The following PBX1 variants were observed in gnomAD, a reference collection of about 807,000 sequenced individuals.
The protein encoded by PBX1 is pre-B-cell leukemia transcription factor 1.
In PBX1, 6 loss-of-function variants were observed where a neutral mutation model predicts 53.4. The observed-to-expected ratio is 0.11, with a 90% CI of 0.06 to 0.22. PBX1 has a LOEUF of 0.22. Ranked by LOEUF, PBX1 falls within the 10% of genes least tolerant of loss-of-function variation. The pLI is 1.00. For synonymous variants in PBX1, 204 were observed against 212.3 expected (o/e 0.96, Z 0.34); for missense variants, 251 against 551.4 (o/e 0.46, Z 5.46).
At chr1:164,824,745 T>C (rs1432679511) in intron 8 of PBX1, among the ~76,000 whole-genome samples, 1 of 152,176 alleles carries the variant, frequency 6.6e-6, no homozygotes, top group East Asian at 1.9e-4. Flanking sequence ...GGGCAATACT[T>C]ACTAAGCTTA....
chr1:164,603,929 A>ATTCTT (rs1656368794), intron 2 of PBX1, among the ~76,000 whole-genome samples: 1 of 75,742 alleles, frequency 1.3e-5, no homozygotes, highest in African/African-American at 6.2e-5. Context: ...ATGTCATTTC[A>ATTCTT]TTTTTTTTTT....
At chr1:164,733,659 T>G (rs2102144955) in intron 2 of PBX1, among the ~76,000 whole-genome samples, 1 of 152,322 alleles carries the variant, frequency 6.6e-6, no homozygotes, top group Middle Eastern at 3.4e-3. Context: ...TAAGGCTATC[T>G]TCATATTGAC....
intron 2 of PBX1, among the ~76,000 whole-genome samples, chr1:164,628,690 T>C (rs916910693): frequency 4.3e-4 from 65 of 152,344 alleles, no homozygotes; most frequent in Non-Finnish European, 4.4e-5. Flanking sequence ...TTTGTGAGTG[T>C]ATCTGTGGAG....
chr1:164,836,661 C>G (rs1053901888), intron 8 of PBX1, among the ~76,000 whole-genome samples: 5 of 152,160 alleles, frequency 3.3e-5, no homozygotes, highest in Admixed American at 6.5e-5. Flanking sequence ...TCCCCCACCC[C>G]CAAGCCTGGG....
chr1:164,779,553 A>G (rs1667834122), intron 2 of PBX1, among the ~76,000 whole-genome samples: 1 of 152,198 alleles, frequency 6.6e-6, no homozygotes, highest in Non-Finnish European at 1.5e-5. Context: ...GGCAGCACCG[A>G]AAGAGAAAAG....
At chr1:164,867,284 C>T (rs10918082) in intron 2 of PBX1, among the ~76,000 whole-genome samples, 63,856 of 152,004 alleles carry the variant, frequency 0.42, 13,762 homozygotes, top group Middle Eastern at 0.52. Context: ...AGCACATGCC[C>T]GACACACGGC....
chr1:164,790,106 C>T (rs955059311), intron 2 of PBX1, among the ~76,000 whole-genome samples: 9 of 152,216 alleles, frequency 5.9e-5, no homozygotes, highest in African/African-American at 1.7e-4. Flanking sequence ...TTGGATGCCC[C>T]GAGATTCTTT....
Position 164,849,607 on chromosome 1 carries a change from A to G in PBX1, c.*2931A>G. The G allele has an allele frequency of 2.9e-6, 2 of 699,730 alleles. No homozygotes were observed. Among genetic ancestry groups the G allele is most frequent in the Non-Finnish European group, 4.5e-6 (2 of 446,606 alleles). 43.3% of individuals were successfully genotyped at this position (699,730 alleles called of 1,614,324 possible). On this transcript the variant is annotated 3_prime_UTR_variant, in exon 9 of 9. Transcript: ENST00000420696. ...GACAGCGAATTTCCCCTGAGAAACG[A>G]TACTAGACCCTGGGTTTGCCCACCT...
intron 2 of PBX1, among the ~76,000 whole-genome samples, chr1:164,630,828 A>G (rs1658363493): frequency 6.6e-6 from 1 of 152,192 alleles, no homozygotes; most frequent in African/African-American, 2.4e-5. Context: ...AATGTGCTTA[A>G]TCATTCCCTT....
chr1:164,648,687 G>A (rs1659608915), intron 2 of PBX1, among the ~76,000 whole-genome samples: 1 of 151,586 alleles, frequency 6.6e-6, no homozygotes, highest in Non-Finnish European at 1.5e-5. Flanking sequence ...AATGACCCTG[G>A]ACTTGTTGAT....
At chr1:164,841,713 G>T (rs1455829707) in intron 8 of PBX1, among the ~76,000 whole-genome samples, 1 of 152,140 alleles carries the variant, frequency 6.6e-6, no homozygotes, top group Non-Finnish European at 1.5e-5. Context: ...AATCTAGGAT[G>T]TGACCTCTGC....
chr1:164,580,679 C>T (rs559037047), intron 2 of PBX1, among the ~76,000 whole-genome samples: 1 of 152,000 alleles, frequency 6.6e-6, no homozygotes, highest in Admixed American at 6.5e-5. Context: ...TGGGTTCAAG[C>T]GATTCTCCTG....
At chr1:164,656,382 AT>A (rs957194104) in intron 2 of PBX1, among the ~76,000 whole-genome samples, 1 of 152,138 alleles carries the variant, frequency 6.6e-6, no homozygotes, top group Non-Finnish European at 1.5e-5. Flanking sequence ...TCTCATAGAA[AT>A]TTTTTGTCTT....
intron 2 of PBX1, among the ~76,000 whole-genome samples, chr1:164,776,427 GA>G (rs1667649155): frequency 6.6e-6 from 1 of 152,180 alleles, no homozygotes; most frequent in Non-Finnish European, 1.5e-5. Context: ...CCTCACTGCT[GA>G]GACATCTGGG....
At chr1:164,619,293 A>G (rs1168892272) in intron 2 of PBX1, among the ~76,000 whole-genome samples, 1 of 152,172 alleles carries the variant, frequency 6.6e-6, no homozygotes, top group Non-Finnish European at 1.5e-5. Flanking sequence ...AGCCAGGCAG[A>G]GGGTGGGGCA....
Position 164,559,632 on chromosome 1 carries a change from C to G in PBX1, c.-191C>G. On this transcript the variant is annotated 5_prime_UTR_variant, in exon 1 of 9. Coordinates refer to ENST00000420696, the MANE Select transcript of PBX1 (RefSeq NM_002585.4). The stretch of plus-strand genomic sequence containing the variant: ...TTCACGCCCCCTCCCCCTCCCCCTC[C>G]TCATCCTCCCACCATCCTCTAAAGA... 1 of 345,112 alleles carries G rather than the reference C, an allele frequency of 2.9e-6. No homozygotes were observed. The highest frequency in any genetic ancestry group is 4.9e-5 in the East Asian group (1 of 20,608). The allele number at this position is 345,112 out of a possible 1,614,324, so 21.4% of individuals were successfully genotyped here.
intron 2 of PBX1, among the ~76,000 whole-genome samples, chr1:164,756,793 CA>C (rs1408127665): frequency 6.6e-6 from 1 of 152,162 alleles, no homozygotes; most frequent in Non-Finnish European, 1.5e-5. Context: ...TAGGCTTTAT[CA>C]TAATGTTTGA....
chr1:164,728,718 T>C (rs1664827017), intron 2 of PBX1, among the ~76,000 whole-genome samples: 1 of 152,196 alleles, frequency 6.6e-6, no homozygotes, highest in Non-Finnish European at 1.5e-5. Context: ...AATGCGTATA[T>C]AAAAATTTTT....
Position 164,846,506 on chromosome 1 carries a change from G to T in PBX1, c.1201-78G>T. On this transcript the variant is annotated intron_variant, in intron 8 of 8. Transcript: ENST00000420696. Reference sequence around the variant, plus strand: ...GCACTATGCTAGGTCCTTTACACAAGATGCCTCATTGTCATTGTCTGCTGA... The same window carrying T: ...GCACTATGCTAGGTCCTTTACACAATATGCCTCATTGTCATTGTCTGCTGA... 7 of 1,209,258 alleles carry T rather than the reference G, an allele frequency of 5.8e-6. No homozygotes were observed. In the South Asian group the frequency reaches 7.3e-5, roughly 13 times the overall value. 74.9% of individuals were successfully genotyped at this position (1,209,258 alleles called of 1,614,324 possible).
Sources: gnomAD v4.1 joint callset for allele counts (sites outside exome capture counted in the v4.1 genomes callset) on GRCh38, gnomAD v4.1.1 for gene constraint, MANE v1.5 for transcripts, NCBI Gene and HGNC (gene_info 2026-07-23, HGNC 2026-07-21) for gene names.